Variants in CACNA2D1 observed in about 807,000 individuals in gnomAD.
The protein encoded by CACNA2D1 is voltage-dependent calcium channel subunit alpha-2/delta-1.
Under a neutral mutation model 171.5 loss-of-function variants are expected in CACNA2D1, and 53 were observed. That is an observed-to-expected ratio of 0.31 (90% CI 0.25 to 0.39). CACNA2D1 has a LOEUF of 0.39. Among genes scored for constraint, CACNA2D1 ranks in the 10% least tolerant of loss-of-function variants. CACNA2D1 has a pLI of 1.00. For missense variants in CACNA2D1, 903 were observed against 1,299.8 expected, an observed-to-expected ratio of 0.69 and a Z score of 4.69; for synonymous variants, 442 against 443.1, an observed-to-expected ratio of 1.00 and a Z score of 0.03.
chr7:82,100,338 T>C (rs548952453), intron 6 of CACNA2D1, among the ~76,000 whole-genome samples: 3 of 152,128 alleles, frequency 2.0e-5, no homozygotes, highest in African/African-American at 7.2e-5. Context: ...TCATATAAAG[T>C]TTTTTATTTT....
chr7:82,273,367 GTTC>G (rs1262418416), intron 3 of CACNA2D1, among the ~76,000 whole-genome samples: 39 of 151,672 alleles, frequency 2.6e-4, no homozygotes, highest in Non-Finnish European at 3.8e-4. Context: ...AAAAACTGGA[GTTC>G]TTCTAAATTA....
intron 6 of CACNA2D1, among the ~76,000 whole-genome samples, chr7:82,115,891 C>T (rs1788986774): frequency 6.6e-6 from 1 of 152,092 alleles, no homozygotes; most frequent in African/African-American, 2.4e-5. Flanking sequence ...ATTAAACTTG[C>T]TTTATCCTCA....
At chr7:82,384,272 C>T (rs1824063112) in intron 1 of CACNA2D1, among the ~76,000 whole-genome samples, 1 of 152,112 alleles carries the variant, frequency 6.6e-6, no homozygotes, top group Admixed American at 6.6e-5. Flanking sequence ...GGAGAAGGGG[C>T]CTTTGCAAGG....
intron 7 of CACNA2D1, among the ~76,000 whole-genome samples, chr7:82,080,110 T>TAC (rs767920602): frequency 1.2e-3 from 174 of 147,246 alleles, no homozygotes; most frequent in Admixed American, 1.7e-3. Context: ...TGTATATATA[T>TAC]ACATATATGT....
chr7:82,015,274 A>C (rs1562872022), intron 12 of CACNA2D1, among the ~76,000 whole-genome samples: 1 of 152,160 alleles, frequency 6.6e-6, no homozygotes, highest in East Asian at 1.9e-4. Context: ...GATGGTTTTC[A>C]CCATGGAAAT....
intron 3 of CACNA2D1, among the ~76,000 whole-genome samples, chr7:82,274,601 G>A (rs369150704): frequency 9.9e-5 from 15 of 152,052 alleles, no homozygotes; most frequent in South Asian, 2.1e-4. Flanking sequence ...CTGCTTTCTC[G>A]TTCACTGAGT....
At chr7:81,997,100 C>A (rs1798123382) in intron 19 of CACNA2D1, 79 bp downstream of exon 19, 1 of 824,134 alleles carries the variant, frequency 1.2e-6, no homozygotes, top group Non-Finnish European at 2.2e-6. Flanking sequence ...ACATTGTAGC[C>A]GTTCAACAGA....
intron 4 of CACNA2D1, among the ~76,000 whole-genome samples, chr7:82,158,292 A>C (rs968391257): frequency 2.0e-5 from 3 of 151,884 alleles, no homozygotes; most frequent in Non-Finnish European, 4.4e-5. Context: ...TTAATAGTTC[A>C]TATGTATTCA....
At position 82,258,074 on chromosome 7, in the gene CACNA2D1, A is replaced by G. The variant is rs1021628826; in HGVS notation, c.294+77061T>C. Among the ~76,000 whole-genome samples the G allele has an allele frequency of 5.9e-5, 9 of 152,278 alleles. No individual in the cohort carries two copies. The South Asian group carries it at 1.9e-3, about 32-fold the overall frequency. On this transcript the variant is annotated intron_variant, in intron 3 of 38. Coordinates refer to ENST00000356860, the MANE Select transcript of CACNA2D1 (RefSeq NM_000722.4). ...CATTTGCTTCTACAGAAGAAAGGAC[A>G]CTTTTTCTGGGACTGGAGGGAAAAG...
At chr7:82,264,538 G>A (rs997006841) in intron 3 of CACNA2D1, among the ~76,000 whole-genome samples, 2 of 152,182 alleles carry the variant, frequency 1.3e-5, no homozygotes, top group African/African-American at 4.8e-5. Context: ...CAGCTCTGCT[G>A]TCTCTGACTA....
At chr7:82,244,843 T>A (rs1456635363) in intron 3 of CACNA2D1, among the ~76,000 whole-genome samples, 1 of 152,090 alleles carries the variant, frequency 6.6e-6, no homozygotes, top group Non-Finnish European at 1.5e-5. Flanking sequence ...TCATGTGATG[T>A]CACTAAGGCC....
intron 3 of CACNA2D1, among the ~76,000 whole-genome samples, chr7:82,207,868 A>T (rs2129218675): frequency 6.6e-6 from 1 of 152,326 alleles, no homozygotes; most frequent in Non-Finnish European, 1.5e-5. Context: ...TTCTAAACAC[A>T]TATATATTGA....
At chr7:82,406,840 T>G (rs1361307858) in intron 1 of CACNA2D1, among the ~76,000 whole-genome samples, 1 of 152,186 alleles carries the variant, frequency 6.6e-6, no homozygotes, top group Non-Finnish European at 1.5e-5. Context: ...AATTTTTTTG[T>G]CTCATTAATT....
chr7:81,950,648 C>A lies in CACNA2D1; in HGVS notation c.3160-140G>T, dbSNP rs1310761280. 23 of 1,210,788 alleles carry A rather than the reference C, an allele frequency of 1.9e-5. No individual in the cohort carries two copies. In the Admixed American group the frequency reaches 2.0e-4, roughly 10 times the overall value. 75.0% of individuals were successfully genotyped at this position (1,210,788 alleles called of 1,614,324 possible). A position where few individuals can be genotyped will look rare whatever the true frequency, so the allele number is the denominator to read the frequency against. On this transcript the variant is annotated intron_variant, in intron 38 of 38. Transcript: ENST00000356860. ...CTTATAAAACTGCTGTAATTGAAAT[C>A]CAAAGAAATTACTTTCTCCTAGATT...
chr7:82,130,595 G>A (rs1161170708), intron 5 of CACNA2D1, among the ~76,000 whole-genome samples: 2 of 151,922 alleles, frequency 1.3e-5, no homozygotes, highest in African/African-American at 4.8e-5. Context: ...ATTGATATGA[G>A]TACTAGGAAA....
chr7:82,441,116 A>G (rs1363171428), intron 1 of CACNA2D1, among the ~76,000 whole-genome samples: 1 of 152,044 alleles, frequency 6.6e-6, no homozygotes, highest in East Asian at 1.9e-4. Context: ...ATTTGTCCTG[A>G]TTAAACAGTG....
intron 6 of CACNA2D1, among the ~76,000 whole-genome samples, chr7:82,110,013 G>A (rs936866609): frequency 3.9e-5 from 6 of 152,106 alleles, no homozygotes; most frequent in Non-Finnish European, 8.8e-5. Context: ...AGCGTTTGGA[G>A]GCTCAGATTT....
intron 3 of CACNA2D1, among the ~76,000 whole-genome samples, chr7:82,310,178 A>C (rs2129432367): frequency 6.6e-6 from 1 of 152,128 alleles, no homozygotes; most frequent in South Asian, 2.1e-4. Flanking sequence ...GAAACAGTTC[A>C]AAATTACTTC....
At chr7:82,237,765 G>A (rs1183680569) in intron 3 of CACNA2D1, among the ~76,000 whole-genome samples, 1 of 151,906 alleles carries the variant, frequency 6.6e-6, no homozygotes, top group Non-Finnish European at 1.5e-5. Context: ...CTATGTGTTG[G>A]TCACTATGTT....
Sources: allele counts gnomAD v4.1 joint callset (sites outside exome capture counted in the v4.1 genomes callset), GRCh38; gene constraint gnomAD v4.1.1; transcripts MANE v1.5; gene names NCBI Gene and HGNC (gene_info 2026-07-23, HGNC 2026-07-21).